GABBR2: variants seen among roughly 807,000 people sequenced by gnomAD.
The protein encoded by GABBR2 is G-protein coupled receptor 51.
Under a neutral mutation model 105.6 loss-of-function variants are expected in GABBR2, and 23 were observed. The observed-to-expected ratio is 0.22, with a 90% CI of 0.16 to 0.31. The LOEUF is 0.31. GABBR2 is among the 10% of genes least tolerant of loss of function. The pLI is 1.00. For missense variants in GABBR2, 734 were observed against 1,245.5 expected, an observed-to-expected ratio of 0.59 and a Z score of 6.18; for synonymous variants, 478 against 499.7, an observed-to-expected ratio of 0.96 and a Z score of 0.58.
chr9:98,596,548 C>T (rs959148213), intron 1 of GABBR2, among the ~76,000 whole-genome samples: 1 of 152,132 alleles, frequency 6.6e-6, no homozygotes, highest in Non-Finnish European at 1.5e-5. Context: ...CTCAAAGCCC[C>T]CCTCCCAATT....
At chr9:98,316,423 A>AT in intron 13 of GABBR2, among the ~76,000 whole-genome samples, 1 of 152,200 alleles carries the variant, frequency 6.6e-6, no homozygotes, top group Admixed American at 6.5e-5. Flanking sequence ...AAGTGCTGGG[A>AT]TTACAGACGT....
chr9:98,428,558 A>T (rs1462078991), intron 7 of GABBR2, among the ~76,000 whole-genome samples: 1 of 152,068 alleles, frequency 6.6e-6, no homozygotes, highest in East Asian at 1.9e-4. Flanking sequence ...ACACAGAGAG[A>T]CCCACTTGGC....
chr9:98,339,284 CAAAAAAA>C (rs9299286), intron 13 of GABBR2, among the ~76,000 whole-genome samples: 14,424 of 133,628 alleles, frequency 0.11, 1,129 homozygotes, highest in African/African-American at 0.22. Context: ...AATTATATCT[CAAAAAAA>C]AAAAAAAAAA....
chr9:98,313,807 C>T (rs568247958), intron 13 of GABBR2, among the ~76,000 whole-genome samples: 6 of 152,148 alleles, frequency 3.9e-5, no homozygotes, highest in East Asian at 3.9e-4. Flanking sequence ...AGGTCTTAGA[C>T]GGGTAGCGTT....
chr9:98,330,531 A>G (rs548838688), intron 13 of GABBR2, among the ~76,000 whole-genome samples: 2 of 152,304 alleles, frequency 1.3e-5, no homozygotes, highest in Admixed American at 1.3e-4. Context: ...CTTGCAACCG[A>G]CAACATCTAA....
intron 17 of GABBR2, among the ~76,000 whole-genome samples, chr9:98,296,800 C>T (rs781344730): frequency 6.6e-6 from 1 of 152,082 alleles, no homozygotes; most frequent in African/African-American, 2.4e-5. Context: ...TATATAAGGG[C>T]ATAAGCTTGT....
At chr9:98,706,794 A>G (rs1830900670) in intron 1 of GABBR2, among the ~76,000 whole-genome samples, 1 of 152,228 alleles carries the variant, frequency 6.6e-6, no homozygotes, top group Non-Finnish European at 1.5e-5. Flanking sequence ...CTCCAGAAGA[A>G]TATGTGCAGT....
intron 2 of GABBR2, among the ~76,000 whole-genome samples, chr9:98,570,449 G>A (rs1384956268): frequency 1.3e-5 from 2 of 152,218 alleles, no homozygotes; most frequent in African/African-American, 4.8e-5. Context: ...ATTTCTGTCT[G>A]CAAGCTGAAG....
intron 1 of GABBR2, among the ~76,000 whole-genome samples, chr9:98,648,083 G>A (rs866633413): frequency 1.8e-4 from 12 of 67,406 alleles, no homozygotes; most frequent in African/African-American, 6.8e-4. Context: ...CATACAGGGT[G>A]TGTGTGTGTG....
chr9:98,679,192 A>C (rs1225280735), intron 1 of GABBR2, among the ~76,000 whole-genome samples: 1 of 152,214 alleles, frequency 6.6e-6, no homozygotes, highest in African/African-American at 2.4e-5. Context: ...ACGACAATTC[A>C]ATCCATGGAC....
intron 2 of GABBR2, among the ~76,000 whole-genome samples, chr9:98,553,425 CT>C (rs1487610731): frequency 1.3e-5 from 2 of 151,902 alleles, no homozygotes; most frequent in Admixed American, 1.3e-4. Flanking sequence ...GAAACCCCAT[CT>C]CTACAAAAAA....
At chr9:98,591,738 G>A (rs1588242288) in intron 1 of GABBR2, among the ~76,000 whole-genome samples, 1 of 152,294 alleles carries the variant, frequency 6.6e-6, no homozygotes, top group Middle Eastern at 3.4e-3. Context: ...TCTCCTTCAT[G>A]GGAGGTCAAT....
chr9:98,635,778 T>C (rs1366403755), intron 1 of GABBR2, among the ~76,000 whole-genome samples: 1 of 152,162 alleles, frequency 6.6e-6, no homozygotes, highest in African/African-American at 2.4e-5. Flanking sequence ...GAGATAAGAA[T>C]AGAAGTTGAA....
intron 12 of GABBR2, among the ~76,000 whole-genome samples, chr9:98,364,732 C>T (rs1217892139): frequency 6.6e-6 from 1 of 151,926 alleles, no homozygotes; most frequent in Non-Finnish European, 1.5e-5. Flanking sequence ...TCCTGAGTAG[C>T]TGGGATTACA....
At chr9:98,342,072 CACAG>C (rs1201391420) in intron 13 of GABBR2, among the ~76,000 whole-genome samples, 1 of 152,090 alleles carries the variant, frequency 6.6e-6, no homozygotes, top group African/African-American at 2.4e-5. Context: ...GGGACCGGCA[CACAG>C]ACAGACAATG....
intron 1 of GABBR2, among the ~76,000 whole-genome samples, chr9:98,592,611 GCCAT>G (rs768673942): frequency 6.6e-6 from 1 of 152,134 alleles, no homozygotes; most frequent in Non-Finnish European, 1.5e-5. Flanking sequence ...TAGAAATAAG[GCCAT>G]CTCTTTAGAG....
At chr9:98,708,368 AC>A in intron 1 of GABBR2, 48 bp downstream of exon 1, 1 of 1,309,410 alleles carries the variant, frequency 7.6e-7, no homozygotes, top group East Asian at 3.1e-5. Context: ...CAAACCACCC[AC>A]CCCAATGCCC....
intron 7 of GABBR2, among the ~76,000 whole-genome samples, chr9:98,427,714 CTGGTGAAAG>C: frequency 1.4e-5 from 2 of 142,822 alleles, no homozygotes. Context: ...ATTACTCATG[CTGGTGAAAG>C]CCAGCCACCG....
At chr9:98,698,504 T>TTC (rs199891945) in intron 1 of GABBR2, among the ~76,000 whole-genome samples, 3,689 of 53,898 alleles carry the variant, frequency 0.068, 135 homozygotes, top group African/African-American at 0.15. Flanking sequence ...TGCACAATTC[T>TTC]TTTTTTTTTT....
Sources: gnomAD v4.1 joint callset for allele counts (sites outside exome capture counted in the v4.1 genomes callset) on GRCh38, gnomAD v4.1.1 for gene constraint, MANE v1.5 for transcripts, NCBI Gene and HGNC (gene_info 2026-07-23, HGNC 2026-07-21) for gene names.